The following BAALC variants were observed in gnomAD, a reference collection of about 807,000 sequenced individuals.
BAALC encodes BAALC binder of MAP3K1 and KLF4, also known as brain and acute leukemia cytoplasmic protein.
A neutral mutation model predicts 15.5 loss-of-function variants in BAALC; 9 were observed. The observed-to-expected ratio is 0.58, with a 90% confidence interval of 0.35 to 1.02. BAALC has a LOEUF of 1.02. BAALC is among the 50% of genes least tolerant of loss of function. The pLI, the probability that BAALC is intolerant of heterozygous loss-of-function variation, is 0.02. For synonymous variants in BAALC, 80 were observed against 74.6 expected (o/e 1.07, Z -0.37); for missense variants, 201 against 192.4 (o/e 1.04, Z -0.27).
intron 1 of BAALC, among the ~76,000 whole-genome samples, chr8:103,197,224 C>G (rs143228563): frequency 4.3e-4 from 65 of 151,240 alleles, no homozygotes; most frequent in African/African-American, 1.6e-3. Context: ...CACAAATGCA[C>G]GTGAAAGGAA....
chr8:103,160,775 G>A (rs1245033024), intron 1 of BAALC, among the ~76,000 whole-genome samples: 1 of 152,148 alleles, frequency 6.6e-6, no homozygotes, highest in African/African-American at 2.4e-5. Flanking sequence ...TTTGACAGCA[G>A]GAAGCACCCA....
chr8:103,167,827 G>C (rs1305509103), intron 1 of BAALC, among the ~76,000 whole-genome samples: 1 of 152,156 alleles, frequency 6.6e-6, no homozygotes, highest in Non-Finnish European at 1.5e-5. Context: ...GAGAAGCCTT[G>C]GATGGGTTTT....
intron 1 of BAALC, 105 bp from the exon 2 acceptor site, chr8:103,212,814 T>G: frequency 7.8e-7 from 1 of 1,281,760 alleles, no homozygotes; most frequent in Non-Finnish European, 1.1e-6. Flanking sequence ...TTCTGGCAAC[T>G]TTTGTTTTTT....
intron 2 of BAALC, among the ~76,000 whole-genome samples, chr8:103,221,678 C>G (rs1416671035): frequency 6.6e-6 from 1 of 152,184 alleles, no homozygotes; most frequent in African/African-American, 2.4e-5. Context: ...GGCAAAACAA[C>G]TCACTTCTCC....
intron 1 of BAALC, chr8:103,183,521 A>C (rs929436511): frequency 1.4e-6 from 1 of 693,000 alleles, no homozygotes; most frequent in Non-Finnish European, 2.6e-6. Context: ...GTATGGGACA[A>C]CTCTGCAAAA....
At chr8:103,142,220 T>A (rs1810793455) in intron 1 of BAALC, among the ~76,000 whole-genome samples, 1 of 152,254 alleles carries the variant, frequency 6.6e-6, no homozygotes, top group Non-Finnish European at 1.5e-5. Context: ...TAAATAGAGC[T>A]GTCACTTTAA....
At chr8:103,224,375 A>G (rs1227504187) in intron 2 of BAALC, among the ~76,000 whole-genome samples, 1 of 141,310 alleles carries the variant, frequency 7.1e-6, no homozygotes, top group Non-Finnish European at 1.5e-5. Flanking sequence ...TACATTTAAG[A>G]AATACATTGG....
intron 2 of BAALC, among the ~76,000 whole-genome samples, chr8:103,218,165 C>T (rs534689608): frequency 6.6e-6 from 1 of 152,332 alleles, no homozygotes; most frequent in East Asian, 1.9e-4. Flanking sequence ...CTTCATGTCC[C>T]ATCAAACAAA....
chr8:103,197,679 G>A (rs1432667769), intron 1 of BAALC, among the ~76,000 whole-genome samples: 2 of 152,146 alleles, frequency 1.3e-5, no homozygotes, highest in Non-Finnish European at 2.9e-5. Context: ...CTTCTGGTGA[G>A]GCCTTAGAAG....
intron 2 of BAALC, among the ~76,000 whole-genome samples, chr8:103,217,206 GT>G (rs1254849403): frequency 2.6e-5 from 4 of 152,232 alleles, no homozygotes; most frequent in African/African-American, 4.8e-5. Flanking sequence ...GATAACTTTA[GT>G]TTTAACGGTT....
At chr8:103,214,025 C>T (rs977341549) in intron 2 of BAALC, among the ~76,000 whole-genome samples, 5 of 152,082 alleles carry the variant, frequency 3.3e-5, no homozygotes, top group Admixed American at 6.5e-5. Flanking sequence ...ATAAAGAAGC[C>T]GGGTAATCTA....
At chr8:103,151,666 C>A (rs972082739) in intron 1 of BAALC, among the ~76,000 whole-genome samples, 2 of 152,126 alleles carry the variant, frequency 1.3e-5, no homozygotes, top group South Asian at 4.2e-4. Context: ...GATCTCACCA[C>A]CTCTCAGCAA....
chr8:103,147,472 T>A (rs898579485), intron 1 of BAALC, among the ~76,000 whole-genome samples: 3 of 151,892 alleles, frequency 2.0e-5, no homozygotes, highest in African/African-American at 4.8e-5. Context: ...ACATTGCAGA[T>A]TTTTTTTTCT....
chr8:103,226,806 C>T (rs1283084592), intron 2 of BAALC, among the ~76,000 whole-genome samples: 4 of 152,094 alleles, frequency 2.6e-5, no homozygotes, highest in Non-Finnish European at 4.4e-5. Flanking sequence ...GTACTAAGTA[C>T]CTTACATGCA....
chr8:103,156,060 C>T lies in BAALC; in HGVS notation c.160+15003C>T, dbSNP rs1031773198. Among the ~76,000 whole-genome samples, 9 of 152,156 alleles carry T rather than the reference C, an allele frequency of 5.9e-5. No individual in the cohort carries two copies. In the East Asian group the frequency reaches 1.3e-3, roughly 23 times the overall value. On this transcript the variant is annotated intron_variant, in intron 1 of 2. Coordinates refer to ENST00000309982, the MANE Select transcript of BAALC (RefSeq NM_024812.3). ...TATAGACAATATATAAATGAATGAG[C>T]GTGTCTGTGTTCCAATGCCCACTCC... is the stretch of plus-strand genomic sequence containing the variant.
At chr8:103,215,448 A>G (rs1011843048) in intron 2 of BAALC, among the ~76,000 whole-genome samples, 2 of 150,072 alleles carry the variant, frequency 1.3e-5, no homozygotes, top group Non-Finnish European at 3.0e-5. Flanking sequence ...ATAATGCTGC[A>G]TAACAAAACA....
chr8:103,144,938 G>A (rs1373152712), intron 1 of BAALC, among the ~76,000 whole-genome samples: 2 of 152,198 alleles, frequency 1.3e-5, no homozygotes, highest in African/African-American at 2.4e-5. Flanking sequence ...AACGAGGCAG[G>A]AACTATAGCC....
intron 1 of BAALC, among the ~76,000 whole-genome samples, chr8:103,187,472 C>T (rs1370183225): frequency 6.6e-6 from 1 of 152,192 alleles, no homozygotes; most frequent in East Asian, 1.9e-4. Flanking sequence ...AAACCCTGCT[C>T]CAGAGCCAGA....
At chr8:103,212,886 C>A (rs745507774) in intron 1 of BAALC, 33 bp from the exon 2 acceptor site, 1 of 1,589,238 alleles carries the variant, frequency 6.3e-7, no homozygotes, top group South Asian at 1.1e-5. Flanking sequence ...CATGTGCAAG[C>A]TTCTGGTTCC....
Sources: allele counts gnomAD v4.1 joint callset (sites outside exome capture counted in the v4.1 genomes callset), GRCh38; gene constraint gnomAD v4.1.1; transcripts MANE v1.5; gene names NCBI Gene and HGNC (gene_info 2026-07-23, HGNC 2026-07-21).